TBCK: variants seen among roughly 807,000 people sequenced by gnomAD.
TBCK encodes the protein TBC1 domain containing kinase.
Under a neutral mutation model 113.4 loss-of-function variants are expected in TBCK, and 99 were observed. That is an observed-to-expected ratio of 0.87 (90% CI 0.74 to 1.03). The LOEUF is 1.03. TBCK is among the 50% of genes least tolerant of loss of function. The pLI is 0.00. For missense variants in TBCK, 1,045 were observed against 1,061.3 expected (o/e 0.98, Z 0.21); for synonymous variants, 369 against 370.8 (o/e 1.00, Z 0.05).
At chr4:106,122,794 A>C (rs199910252) in intron 23 of TBCK, among the ~76,000 whole-genome samples, 5,499 of 152,232 alleles carry the variant, frequency 0.036, 395 homozygotes, top group East Asian at 0.27. Context: ...ATCTCAATAG[A>C]TGCAGAAAAA....
intron 1 of TBCK, among the ~76,000 whole-genome samples, chr4:106,313,322 G>A (rs1270174449): frequency 1.3e-5 from 2 of 151,738 alleles, no homozygotes; most frequent in Non-Finnish European, 2.9e-5. Flanking sequence ...AGGATCACGT[G>A]AGGTCAGGAG....
intron 5 of TBCK, among the ~76,000 whole-genome samples, chr4:106,252,381 T>C (rs1281433826): frequency 1.4e-5 from 2 of 147,580 alleles, no homozygotes; most frequent in East Asian, 4.0e-4. Context: ...AAAAAGTATT[T>C]ATTTTTAGTA....
intron 23 of TBCK, among the ~76,000 whole-genome samples, chr4:106,131,351 G>A (rs1560696341): frequency 6.6e-6 from 1 of 152,256 alleles, no homozygotes; most frequent in South Asian, 2.1e-4. Context: ...CGTGGCTCAT[G>A]CCTGTAATCC....
At position 106,194,765 on chromosome 4, in the gene TBCK, A is replaced by T. The variant is rs1195568317; in HGVS notation, c.1861-11T>A. 6.4e-7 allele frequency: 1 copy of T among 1,570,788 alleles called. No individual in the cohort carries two copies. The highest frequency in any genetic ancestry group is 1.2e-5 in the South Asian group (1 of 84,250). On this transcript the variant is annotated splice_polypyrimidine_tract_variant and intron_variant, in intron 20 of 25. Coordinates refer to ENST00000394708, the MANE Select transcript of TBCK (RefSeq NM_001163435.3). ...AGGGATGGCATAGAGCTATGAGTGG[A>T]AAAAGGGGTACAGGGAATGGATAAA...
At chr4:106,055,313 A>G (rs984337227) in intron 25 of TBCK, among the ~76,000 whole-genome samples, 1 of 151,680 alleles carries the variant, frequency 6.6e-6, no homozygotes, top group Admixed American at 6.6e-5. Flanking sequence ...TGAAAAAAAA[A>G]GATAAATGGA....
intron 25 of TBCK, among the ~76,000 whole-genome samples, chr4:106,069,035 C>T (rs1170319397): frequency 8.6e-5 from 13 of 151,992 alleles, no homozygotes; most frequent in South Asian, 2.1e-4. Flanking sequence ...TTATAGATTC[C>T]GGATATTAGC....
At chr4:106,177,933 A>G (rs1263355703) in intron 22 of TBCK, among the ~76,000 whole-genome samples, 1 of 151,998 alleles carries the variant, frequency 6.6e-6, no homozygotes, top group Non-Finnish European at 1.5e-5. Context: ...GAACATGTTA[A>G]CATTATTAAT....
chr4:106,215,561 C>T (rs36147147), intron 19 of TBCK, among the ~76,000 whole-genome samples: 35,103 of 151,936 alleles, frequency 0.23, 4,921 homozygotes, highest in East Asian at 0.37. Flanking sequence ...GCAGGGGTTG[C>T]GATCCTAGTC....
At chr4:106,145,786 T>C (rs1014068962) in intron 23 of TBCK, among the ~76,000 whole-genome samples, 1 of 152,164 alleles carries the variant, frequency 6.6e-6, no homozygotes, top group African/African-American at 2.4e-5. Flanking sequence ...CCAATAAGCA[T>C]ATGAAGCAAA....
Position 106,262,172 on chromosome 4 carries a change from C to A in TBCK, c.307G>T (p.Gly103Cys). The A allele has an allele frequency of 6.5e-7, 1 of 1,548,024 alleles. No homozygotes were observed. The highest frequency in any genetic ancestry group is 8.7e-7 in the Non-Finnish European group (1 of 1,144,742). ...CCATGTTTGTTCATATACTGCAAGC[C>A]CTGAAGAACCTCAAATGCTATACAC... is the stretch of plus-strand genomic sequence containing the variant. The part of the protein sequence containing the change: ...VLCIAFEVLQ[G>C]LQYMNKHGIV... Residue 103 changes from glycine to cysteine, a missense_variant, in exon 4 of 26, where the codon GGC (glycine) becomes TGC (cysteine). By Grantham distance (159) the Gly-to-Cys change is radical. Transcript: ENST00000394708.
intron 19 of TBCK, among the ~76,000 whole-genome samples, chr4:106,218,514 A>C (rs994314879): frequency 1.6e-4 from 20 of 125,484 alleles, no homozygotes; most frequent in African/African-American, 4.9e-4. Flanking sequence ...AACTCAAACA[A>C]ATTTACAAGA....
chr4:106,272,731 G>A (rs931072519), intron 3 of TBCK, among the ~76,000 whole-genome samples: 2 of 151,706 alleles, frequency 1.3e-5, no homozygotes, highest in Non-Finnish European at 2.9e-5. Flanking sequence ...TCCTGACCTC[G>A]TGATCTGCCC....
chr4:106,268,107 T>A (rs1763151494), intron 3 of TBCK, among the ~76,000 whole-genome samples: 1 of 151,974 alleles, frequency 6.6e-6, no homozygotes. Flanking sequence ...GACCTTGGGG[T>A]CCCTGTTCTC....
chr4:106,127,366 A>C (rs973312402), intron 23 of TBCK, among the ~76,000 whole-genome samples: 2 of 152,118 alleles, frequency 1.3e-5, no homozygotes, highest in Admixed American at 6.6e-5. Context: ...TTTTGGGGTA[A>C]ACAAAGTTCA....
In TBCK at chr4:106,244,623, T is replaced by C; in HGVS notation, c.1070+3A>G. ...AATTCCCAAGAGAAGTTTCTTTCCT[T>C]ACTTGGGGAGTGTGCAGATAGGTGG... On this transcript the variant is annotated splice_donor_region_variant and intron_variant, in intron 11 of 25. Coordinates refer to ENST00000394708, the MANE Select transcript of TBCK (RefSeq NM_001163435.3). 1 of 1,566,506 alleles carries C rather than the reference T, an allele frequency of 6.4e-7. No individual in the cohort carries two copies. Among genetic ancestry groups the C allele is most frequent in the Non-Finnish European group, 8.6e-7 (1 of 1,163,216 alleles).
At chr4:106,215,888 T>C (rs1217418874) in intron 19 of TBCK, among the ~76,000 whole-genome samples, 1 of 151,360 alleles carries the variant, frequency 6.6e-6, no homozygotes, top group African/African-American at 2.4e-5. Context: ...TACAGAACTC[T>C]CCACCCCAAA....
At chr4:106,280,913 T>C (rs1380866591) in intron 3 of TBCK, among the ~76,000 whole-genome samples, 1 of 152,170 alleles carries the variant, frequency 6.6e-6, no homozygotes, top group African/African-American at 2.4e-5. Flanking sequence ...TCTGGATCTT[T>C]TGTGGTTCCA....
chr4:106,268,381 T>G (rs1763176080), intron 3 of TBCK, among the ~76,000 whole-genome samples: 1 of 152,082 alleles, frequency 6.6e-6, no homozygotes, highest in African/African-American at 2.4e-5. Flanking sequence ...TATTCAACTA[T>G]GACTCCGTAT....
intron 25 of TBCK, among the ~76,000 whole-genome samples, chr4:106,074,779 T>C (rs1057507097): frequency 6.6e-6 from 1 of 152,212 alleles, no homozygotes; most frequent in Non-Finnish European, 1.5e-5. Flanking sequence ...AGCAGAGCTG[T>C]TGCCATCCCT....
Sources: allele counts gnomAD v4.1 joint callset (sites outside exome capture counted in the v4.1 genomes callset), GRCh38; gene constraint gnomAD v4.1.1; transcripts MANE v1.5; gene names NCBI Gene and HGNC (gene_info 2026-07-23, HGNC 2026-07-21).